FMN2: variants seen among roughly 807,000 people sequenced by gnomAD.
FMN2 encodes the protein formin-2.
FMN2 carries 51 observed loss-of-function variants against 142.3 expected under a neutral mutation model. That is an observed-to-expected ratio of 0.36 (90% CI 0.29 to 0.45). The LOEUF is 0.45. Among genes scored for constraint, FMN2 ranks in the 20% least tolerant of loss-of-function variants. FMN2 has a pLI of 1.00. For synonymous variants in FMN2, 882 were observed against 869.8 expected, an observed-to-expected ratio of 1.01 and a Z score of -0.25; for missense variants, 1,936 against 2,122.8, an observed-to-expected ratio of 0.91 and a Z score of 1.73.
chr1:240,201,650 G>A (rs980200025), intron 4 of FMN2, among the ~76,000 whole-genome samples: 2 of 152,026 alleles, frequency 1.3e-5, no homozygotes, highest in African/African-American at 4.8e-5. Flanking sequence ...TTAATAATTT[G>A]TGCATCTTTC....
chr1:240,300,380 C>T (rs2102971168), intron 8 of FMN2, among the ~76,000 whole-genome samples: 1 of 152,268 alleles, frequency 6.6e-6, no homozygotes, highest in East Asian at 1.9e-4. Context: ...GCTTCTTTTC[C>T]ATGCATTTTC....
intron 13 of FMN2, among the ~76,000 whole-genome samples, chr1:240,347,698 C>T (rs968819389): frequency 6.6e-6 from 1 of 152,122 alleles, no homozygotes; most frequent in African/African-American, 2.4e-5. Context: ...CTCTGTCTCT[C>T]CCCACTCTAA....
chr1:240,198,318 A>G (rs1665993684), intron 4 of FMN2, among the ~76,000 whole-genome samples: 1 of 152,140 alleles, frequency 6.6e-6, no homozygotes, highest in South Asian at 2.1e-4. Flanking sequence ...GTGTTTGTTC[A>G]CTAAAGATCA....
intron 16 of FMN2, among the ~76,000 whole-genome samples, chr1:240,468,339 C>T (rs951583431): frequency 4.7e-5 from 7 of 149,544 alleles, no homozygotes; most frequent in Admixed American, 1.3e-4. Flanking sequence ...CACATATATA[C>T]GTATATATAT....
At chr1:240,411,630 GT>G (rs144007284) in intron 15 of FMN2, among the ~76,000 whole-genome samples, 29,723 of 140,802 alleles carry the variant, frequency 0.21, 3,064 homozygotes, top group Admixed American at 0.24. Flanking sequence ...TTGATCTGTT[GT>G]TTTTTTTTTT....
At chr1:240,309,036 G>A (rs1259595883) in intron 8 of FMN2, among the ~76,000 whole-genome samples, 2 of 152,134 alleles carry the variant, frequency 1.3e-5, no homozygotes, top group African/African-American at 4.8e-5. Context: ...GAGGGTATGA[G>A]TGTTAGAAAG....
At chr1:240,219,650 A>ATTTTTTTTTTTTTTTT (rs1558374533) in intron 6 of FMN2, among the ~76,000 whole-genome samples, 1 of 151,978 alleles carries the variant, frequency 6.6e-6, no homozygotes, top group Admixed American at 6.6e-5. Context: ...AGGTTTTAAA[A>ATTTTTTTTTTTTTTTT]TTTTTTGTAT....
rs192930409 is a variant in FMN2, at chr1:240,194,177, T to G, written c.1986+5915T>G. On this transcript the variant is annotated intron_variant, in intron 4 of 17. Coordinates refer to ENST00000319653, the MANE Select transcript of FMN2 (RefSeq NM_020066.5). The stretch of plus-strand genomic sequence containing the variant: ...TTTTTAATCTAAATTTGTCTAAACT[T>G]GATTTTGTTCTAGACACTGGACTTG... 3.9e-3 allele frequency among the ~76,000 whole-genome samples: 596 copies of G among 152,230 alleles called. 9 individuals are homozygous for G. The highest frequency in any genetic ancestry group is 0.014 in the African/African-American group (562 of 41,516).
rs543596825 is a variant in FMN2 at position 240,356,458 on chromosome 1, T to C, written c.4858+550T>C. ...TAAAAACATTATAAATATTATCTCA[T>C]GGACTCTTCCTGCATTTCTAGGAGA... On this transcript the variant is annotated intron_variant, in intron 14 of 17. Coordinates refer to ENST00000319653, the MANE Select transcript of FMN2 (RefSeq NM_020066.5). Among the ~76,000 whole-genome samples, 8 of 152,262 alleles carry C rather than the reference T, an allele frequency of 5.3e-5. No homozygotes were observed. In the South Asian group the frequency reaches 1.5e-3, roughly 28 times the overall value.
chr1:240,126,323 A>G (rs1662502740), intron 2 of FMN2, among the ~76,000 whole-genome samples: 1 of 151,904 alleles, frequency 6.6e-6, no homozygotes. Flanking sequence ...GAGACAGAAC[A>G]TGCTGTGGGA....
chr1:240,251,048 G>T (rs1668260201), intron 6 of FMN2, among the ~76,000 whole-genome samples: 1 of 151,432 alleles, frequency 6.6e-6, no homozygotes, highest in Non-Finnish European at 1.5e-5. Flanking sequence ...TTATTTTGTT[G>T]ATTCTTTGTG....
chr1:240,140,130 G>A lies in FMN2; in HGVS notation c.1782+16785G>A, dbSNP rs1048841193. 2.6e-5 allele frequency among the ~76,000 whole-genome samples: 4 copies of A among 152,052 alleles called. No individual in the cohort carries two copies. In the South Asian group the frequency reaches 8.3e-4, roughly 31 times the overall value. ...ACTCTCACTTTCTTTCTTCCTCTGG[G>A]TGTGAATGATTTGCTAATCATGGTT... On this transcript the variant is annotated intron_variant, in intron 2 of 17. Coordinates refer to ENST00000319653, the MANE Select transcript of FMN2 (RefSeq NM_020066.5).
intron 16 of FMN2, among the ~76,000 whole-genome samples, chr1:240,442,950 C>G (rs1675677445): frequency 6.6e-6 from 1 of 152,184 alleles, no homozygotes; most frequent in Admixed American, 6.5e-5. Flanking sequence ...TACAGTCTTG[C>G]AGTGTTATCA....
chr1:240,395,823 G>T (rs150705903), intron 15 of FMN2, among the ~76,000 whole-genome samples: 1 of 152,310 alleles, frequency 6.6e-6, no homozygotes, highest in Non-Finnish European at 1.5e-5. Flanking sequence ...TCACAACAAA[G>T]AATTTAGAAT....
At chr1:240,122,594 T>TTTAAATCCAAAATTGGATTTACCAA in intron 1 of FMN2, among the ~76,000 whole-genome samples, 1 of 152,056 alleles carries the variant, frequency 6.6e-6, no homozygotes, top group Non-Finnish European at 1.5e-5. Context: ...TGGATCCAAA[T>TTTAAATCCAAAATTGGATTTACCAA]TTAAATCCAA....
At chr1:240,136,151 ATTATT>A (rs1171071740) in intron 2 of FMN2, among the ~76,000 whole-genome samples, 2 of 151,886 alleles carry the variant, frequency 1.3e-5, no homozygotes, top group Non-Finnish European at 2.9e-5. Context: ...CTATTTTGAG[ATTATT>A]TTATTTTTCT....
intron 7 of FMN2, among the ~76,000 whole-genome samples, chr1:240,276,769 A>G (rs1040491658): frequency 6.6e-6 from 1 of 152,028 alleles, no homozygotes; most frequent in Non-Finnish European, 1.5e-5. Context: ...TGAATCTACT[A>G]TGTTGCATGT....
In FMN2 at chr1:240,092,468, A is replaced by C. The variant is rs1428552618; in HGVS notation, c.359A>C (p.Asp120Ala). 1 of 1,608,536 alleles carries C rather than the reference A, an allele frequency of 6.2e-7. No homozygotes were observed. Among genetic ancestry groups the C allele is most frequent in the African/African-American group, 1.3e-5 (1 of 74,738 alleles). Residue 120 changes from aspartate (D) to alanine (A), a missense_variant, in exon 1 of 18, where the codon GAC becomes GCC. By Grantham distance (126) the Asp-to-Ala change is moderately radical (BLOSUM62 -2). Around this residue, in one of 8 missense-constraint regions of FMN2, gnomAD observed 751 missense variants for 791.8 expected, o/e 0.95. Coordinates refer to ENST00000319653, the MANE Select transcript of FMN2 (RefSeq NM_020066.5). ...CACTCCCTGCTCACCAAGACTCCAGACCTCAGCCTCTCGGCGGACGAGGCC... is the reference window on the plus strand; with the variant it reads ...CACTCCCTGCTCACCAAGACTCCAGCCCTCAGCCTCTCGGCGGACGAGGCC... ...SAHSLLTKTP[D>A]LSLSADEAGL... is the part of the protein sequence containing the mutation.
chr1:240,185,086 C>A (rs1343852132), intron 3 of FMN2, among the ~76,000 whole-genome samples: 13 of 141,038 alleles, frequency 9.2e-5, no homozygotes, highest in African/African-American at 1.7e-4. Flanking sequence ...CCCTCCTATA[C>A]CTTCCCCCTT....
Sources: allele counts gnomAD v4.1 joint callset (sites outside exome capture counted in the v4.1 genomes callset), GRCh38; gene constraint gnomAD v4.1.1; regional missense constraint gnomAD v4.1.1; transcripts MANE v1.5; gene names NCBI Gene and HGNC (gene_info 2026-07-23, HGNC 2026-07-21).